The following PTPRT variants were observed in gnomAD, a reference collection of about 807,000 sequenced individuals.
PTPRT encodes protein tyrosine phosphatase receptor type T.
In PTPRT, 56 loss-of-function variants were observed where a neutral mutation model predicts 176.8. The observed-to-expected ratio is 0.32, with a 90% CI of 0.26 to 0.40. The LOEUF (loss-of-function observed/expected upper bound fraction) is 0.40. Ranked by LOEUF, PTPRT falls within the 10% of genes least tolerant of loss-of-function variation. The pLI, the probability that PTPRT is intolerant of heterozygous loss-of-function variation, is 1.00. For synonymous variants in PTPRT, 783 were observed against 739.0 expected (o/e 1.06, Z -0.96); for missense variants, 1,540 against 1,908.2 (o/e 0.81, Z 3.60).
At chr20:42,384,702 C>T (rs76851680) in intron 9 of PTPRT, among the ~76,000 whole-genome samples, 183 of 152,216 alleles carry the variant, frequency 1.2e-3, no homozygotes, top group Non-Finnish European at 2.4e-3. Context: ...TTCATAGCTC[C>T]ATTTTACATC....
intron 23 of PTPRT, 47 bp downstream of exon 23, chr20:42,110,286 G>A (rs148680893): frequency 0.016 from 24,669 of 1,538,794 alleles, 232 homozygotes; most frequent in South Asian, 0.023. Flanking sequence ...TCCTGACCTC[G>A]TGATCTGCCC....
chr20:43,004,330 C>T (rs528927767), intron 1 of PTPRT, among the ~76,000 whole-genome samples: 14 of 152,216 alleles, frequency 9.2e-5, no homozygotes, highest in East Asian at 7.7e-4. Context: ...TAACTATGTT[C>T]GTGTCTTCCC....
chr20:42,490,841 C>T (rs1285706917), intron 7 of PTPRT, among the ~76,000 whole-genome samples: 1 of 152,108 alleles, frequency 6.6e-6, no homozygotes, highest in Non-Finnish European at 1.5e-5. Context: ...AACTAGCAAT[C>T]TAACAAAAGT....
At position 42,305,566 on chromosome 20, in the gene PTPRT, T is replaced by G. The variant is rs1309463015; in HGVS notation, c.2139+10157A>C. Among the ~76,000 whole-genome samples the G allele has an allele frequency of 2.0e-5, 3 of 152,168 alleles. No homozygotes were observed. In the South Asian group the frequency reaches 6.2e-4, roughly 32 times the overall value. Reference sequence around the variant, plus strand: ...GTTTCCACCAAAGATACTTCAAAGTTTTCCAATAACTGAATTGAGTATCAG... The same window carrying G: ...GTTTCCACCAAAGATACTTCAAAGTGTTCCAATAACTGAATTGAGTATCAG... On this transcript the variant is annotated intron_variant, in intron 12 of 30. Transcript: ENST00000373187.
At chr20:42,952,245 T>C (rs1981299975) in intron 1 of PTPRT, among the ~76,000 whole-genome samples, 1 of 152,156 alleles carries the variant, frequency 6.6e-6, no homozygotes, top group Non-Finnish European at 1.5e-5. Context: ...TTCAGAAGCC[T>C]GGGCCCATCC....
chr20:42,943,243 C>T (rs941278043), intron 1 of PTPRT, among the ~76,000 whole-genome samples: 2 of 152,072 alleles, frequency 1.3e-5, no homozygotes, highest in Non-Finnish European at 2.9e-5. Context: ...GAAGATGTCC[C>T]GAGAAGTCCC....
At chr20:42,237,543 T>C (rs144910551) in intron 14 of PTPRT, among the ~76,000 whole-genome samples, 1 of 152,344 alleles carries the variant, frequency 6.6e-6, no homozygotes, top group East Asian at 1.9e-4. Context: ...CTATTTTATA[T>C]ATTGAAGTTT....
intron 13 of PTPRT, among the ~76,000 whole-genome samples, chr20:42,276,479 G>A (rs1481826813): frequency 1.2e-5 from 1 of 85,992 alleles, no homozygotes; most frequent in African/African-American, 4.2e-5. Context: ...ACTCAGAAAG[G>A]AAGAGAGAAA....
chr20:42,152,897 T>C (rs1342556935), intron 17 of PTPRT, among the ~76,000 whole-genome samples: 1 of 152,214 alleles, frequency 6.6e-6, no homozygotes, highest in African/African-American at 2.4e-5. Context: ...ACTAGTTTCA[T>C]TTCTCCTTTC....
intron 2 of PTPRT, among the ~76,000 whole-genome samples, chr20:42,831,571 C>T (rs544523912): frequency 6.6e-6 from 1 of 152,292 alleles, no homozygotes; most frequent in Non-Finnish European, 1.5e-5. Flanking sequence ...GCAAAATAAA[C>T]TATCAACAGA....
chr20:42,883,770 A>G (rs937062220), intron 2 of PTPRT, among the ~76,000 whole-genome samples: 1 of 1,574 alleles, frequency 6.4e-4, no homozygotes, highest in African/African-American at 2.8e-3. Context: ...ATGCACACAC[A>G]CCCTCCATAA....
At chr20:42,273,495 G>T (rs34666633) in intron 13 of PTPRT, among the ~76,000 whole-genome samples, 13,913 of 152,182 alleles carry the variant, frequency 0.091, 729 homozygotes, top group East Asian at 0.19. Context: ...AATTATAGGC[G>T]TGAGCCACCG....
intron 6 of PTPRT, among the ~76,000 whole-genome samples, chr20:42,705,916 T>A (rs2076047663): frequency 6.6e-6 from 1 of 152,206 alleles, no homozygotes; most frequent in Non-Finnish European, 1.5e-5. Flanking sequence ...CTTACTATTA[T>A]GGACTAGGAT....
intron 7 of PTPRT, among the ~76,000 whole-genome samples, chr20:42,621,659 G>A (rs1317516969): frequency 6.6e-6 from 1 of 152,044 alleles, no homozygotes; most frequent in Non-Finnish European, 1.5e-5. Flanking sequence ...CTCCCTAGAT[G>A]TTCAATGGTT....
intron 5 of PTPRT, among the ~76,000 whole-genome samples, chr20:42,757,920 C>T (rs2076859254): frequency 6.6e-6 from 1 of 152,094 alleles, no homozygotes; most frequent in Non-Finnish European, 1.5e-5. Context: ...TGTGCCAGCC[C>T]CTGAGCTGGG....
chr20:42,290,939 AATAC>A (rs2057307375), intron 12 of PTPRT, among the ~76,000 whole-genome samples: 1 of 152,146 alleles, frequency 6.6e-6, no homozygotes, highest in African/African-American at 2.4e-5. Context: ...GTACCTGGCT[AATAC>A]ATACAATTCT....
intron 6 of PTPRT, among the ~76,000 whole-genome samples, chr20:42,678,509 C>T (rs1204486003): frequency 6.6e-6 from 1 of 152,036 alleles, no homozygotes; most frequent in Non-Finnish European, 1.5e-5. Flanking sequence ...CCATGTTGGC[C>T]AGGCTGGTCT....
chr20:42,622,442 T>G (rs575157156), intron 7 of PTPRT, among the ~76,000 whole-genome samples: 6 of 152,150 alleles, frequency 3.9e-5, no homozygotes, highest in African/African-American at 1.4e-4. Flanking sequence ...GGGTTTCACC[T>G]TGTTAGCCAG....
At chr20:42,506,901 T>C (rs953183385) in intron 7 of PTPRT, among the ~76,000 whole-genome samples, 1 of 152,120 alleles carries the variant, frequency 6.6e-6, no homozygotes, top group African/African-American at 2.4e-5. Flanking sequence ...TTGTTTTTCA[T>C]ATGGTAAGGA....
Sources: gnomAD v4.1 joint callset for allele counts (sites outside exome capture counted in the v4.1 genomes callset) on GRCh38, gnomAD v4.1.1 for gene constraint, MANE v1.5 for transcripts, NCBI Gene and HGNC (gene_info 2026-07-23, HGNC 2026-07-21) for gene names.